Variants in TOP2B observed in about 807,000 individuals in gnomAD.
The protein encoded by TOP2B is DNA topoisomerase II beta.
In TOP2B, 51 loss-of-function variants were observed where a neutral mutation model predicts 193.5. That is an observed-to-expected ratio of 0.26 (90% confidence interval 0.21 to 0.33). The LOEUF (loss-of-function observed/expected upper bound fraction) is 0.33. TOP2B is among the 10% of genes least tolerant of loss of function. The pLI is 1.00. For synonymous variants in TOP2B, 634 were observed against 635.7 expected, an observed-to-expected ratio of 1.00 and a Z score of 0.04; for missense variants, 1,378 against 1,909.3, an observed-to-expected ratio of 0.72 and a Z score of 5.19.
intron 34 of TOP2B, among the ~76,000 whole-genome samples, chr3:25,600,392 C>T (rs1023770994): frequency 4.6e-5 from 7 of 152,184 alleles, no homozygotes; most frequent in Admixed American, 3.3e-4. Flanking sequence ...TTTATAAAGG[C>T]TTTCAATCCT....
At chr3:25,640,218 A>G (rs1703218094) in intron 4 of TOP2B, among the ~76,000 whole-genome samples, 1 of 152,220 alleles carries the variant, frequency 6.6e-6, no homozygotes, top group Admixed American at 6.5e-5. Context: ...CACAAGAGAC[A>G]AAATGTTATA....
intron 21 of TOP2B, among the ~76,000 whole-genome samples, chr3:25,622,578 G>A (rs1702685682): frequency 6.6e-6 from 1 of 151,240 alleles, no homozygotes; most frequent in Non-Finnish European, 1.5e-5. Flanking sequence ...CATTTTTCTT[G>A]GAGGAGGTCT....
Position 25,625,040 on chromosome 3 carries a change from T to G in TOP2B, c.2225-237A>C, listed in dbSNP as rs569801824. On this transcript the variant is annotated intron_variant, in intron 18 of 35. Transcript: ENST00000264331. ...ATGCCATCTCCATCTACTCCAAAAG[T>G]GAACTGCCAATTGAAAGACAACATT... 2.6e-5 allele frequency: 8 copies of G among 311,584 alleles called. No individual in the cohort carries two copies. The South Asian group carries it at 4.5e-4, about 18-fold the overall frequency. The allele number at this position is 311,584 out of a possible 1,614,324, so 19.3% of individuals were successfully genotyped here.
At position 25,642,355 on chromosome 3, in the gene TOP2B, T is replaced by A. The variant is rs372592161; in HGVS notation, c.362A>T (p.Lys121Met). ...AGAAACTTTAATACAAGTCATGTTC[T>A]TATCCCTCTGTTTATTGTCAGCAGC... Reference protein sequence around the residue: ...VNAADNKQRDKNMTCIKVSID... With the variant: ...VNAADNKQRDMNMTCIKVSID... Residue 121 changes from lysine (K) to methionine (M), a missense_variant, in exon 4 of 36, where the codon AAG becomes ATG. Coordinates refer to ENST00000264331, the MANE Select transcript of TOP2B (RefSeq NM_001330700.2). The A allele has an allele frequency of 4.2e-5, 65 of 1,549,214 alleles. No individual in the cohort carries two copies. The highest frequency in any genetic ancestry group is 5.5e-5 in the Non-Finnish European group (63 of 1,144,760).
In TOP2B at chr3:25,623,649, T is replaced by C. The variant is rs775618314; in HGVS notation, c.2593A>G (p.Ile865Val). 24 of 1,613,694 alleles carry C rather than the reference T, an allele frequency of 1.5e-5. No homozygotes were observed. The highest frequency in any genetic ancestry group is 1.2e-4 in the African/African-American group (9 of 74,900). ...CCATTTATTAAAACCATGGGAATTA[T>C]AGGAATATACCACTCAGGCTCTACA... is the stretch of plus-strand genomic sequence containing the variant. Reference protein sequence around the residue: ...QRVEPEWYIPIIPMVLINGAE... With the variant: ...QRVEPEWYIPVIPMVLINGAE... The change falls in exon 21 of 36, where the codon ATA (isoleucine) becomes GTA (valine). Residue 865 changes from isoleucine to valine, a missense_variant. Around this residue, in one of 9 missense-constraint regions of TOP2B, gnomAD observed 379 missense variants for 615.1 expected, o/e 0.62. Transcript: ENST00000264331.
At chr3:25,624,531 A>G in intron 19 of TOP2B, 86 bp from the exon 20 acceptor site, 2 of 1,547,620 alleles carry the variant, frequency 1.3e-6, no homozygotes, top group South Asian at 1.3e-5. Flanking sequence ...ATCCAAGTGA[A>G]GAATAAAGGC....
chr3:25,644,115 T>TA (rs1703345130), intron 2 of TOP2B, among the ~76,000 whole-genome samples: 1 of 151,278 alleles, frequency 6.6e-6, no homozygotes, highest in Non-Finnish European at 1.5e-5. Flanking sequence ...TTTTTTTTTT[T>TA]ATAATACAGG....
At chr3:25,610,430 G>A (rs544139470) in intron 28 of TOP2B, among the ~76,000 whole-genome samples, 85 of 152,308 alleles carry the variant, frequency 5.6e-4, no homozygotes, top group African/African-American at 2.0e-3. Flanking sequence ...AGTCTCCATG[G>A]AGAAGTACCT....
At chr3:25,657,905 C>T (rs1275883460) in intron 1 of TOP2B, among the ~76,000 whole-genome samples, 1 of 146,478 alleles carries the variant, frequency 6.8e-6, no homozygotes, top group Non-Finnish European at 1.5e-5. Context: ...ACTAAAAATA[C>T]AAAAAATTAG....
intron 1 of TOP2B, among the ~76,000 whole-genome samples, chr3:25,649,274 T>C (rs1404764447): frequency 6.6e-6 from 1 of 152,042 alleles, no homozygotes; most frequent in East Asian, 1.9e-4. Flanking sequence ...GAACAACATA[T>C]ACATTATGTA....
At chr3:25,609,372 T>C in intron 29 of TOP2B, 28 bp from the exon 30 acceptor site, 2 of 1,540,866 alleles carry the variant, frequency 1.3e-6, no homozygotes. Context: ...CAATAAGGTA[T>C]GTATCCATAT....
intron 11 of TOP2B, 72 bp from the exon 12 acceptor site, chr3:25,630,541 A>G: frequency 8.0e-7 from 1 of 1,246,024 alleles, no homozygotes; most frequent in South Asian, 1.6e-5. Context: ...TGAAGTCAGA[A>G]AATTAACATT....
At chr3:25,638,519 C>A (rs948321466) in intron 4 of TOP2B, among the ~76,000 whole-genome samples, 1 of 151,240 alleles carries the variant, frequency 6.6e-6, no homozygotes, top group Non-Finnish European at 1.5e-5. Flanking sequence ...TGAGTCGTAA[C>A]TAATAGAGAA....
At chr3:25,624,253 C>G in intron 20 of TOP2B, 44 bp downstream of exon 20, 1 of 1,603,566 alleles carries the variant, frequency 6.2e-7, no homozygotes, top group Non-Finnish European at 8.5e-7. Context: ...TAGTTGGTTC[C>G]AAATCAAATC....
chr3:25,629,223 G>A lies in TOP2B; in HGVS notation c.1690-78C>T, dbSNP rs1023845001. The A allele has an allele frequency of 4.9e-5, 54 of 1,100,326 alleles. 1 individual carries two copies. Among genetic ancestry groups the A allele is most frequent in the East Asian group, 4.8e-4 (17 of 35,316 alleles). The allele number at this position is 1,100,326 out of a possible 1,614,324, so 68.2% of individuals were successfully genotyped here. ...TACTTATATAAACAAATTTTAAAAC[G>A]TGAATGCAAAAAACCAAAATTCTGA... On this transcript the variant is annotated intron_variant, in intron 13 of 35. Coordinates refer to ENST00000264331, the MANE Select transcript of TOP2B (RefSeq NM_001330700.2).
At chr3:25,602,152 T>C (rs1702110963) in intron 33 of TOP2B, among the ~76,000 whole-genome samples, 1 of 152,042 alleles carries the variant, frequency 6.6e-6, no homozygotes, top group Admixed American at 6.6e-5. Context: ...TCCCAGAACT[T>C]TGGGAGGCCA....
At chr3:25,654,570 A>G (rs1011369277) in intron 1 of TOP2B, among the ~76,000 whole-genome samples, 3 of 152,184 alleles carry the variant, frequency 2.0e-5, no homozygotes, top group African/African-American at 7.2e-5. Flanking sequence ...TTTTGCAGAA[A>G]TACAAAAAAA....
At chr3:25,643,894 A>C in intron 2 of TOP2B, 110 bp from the exon 3 acceptor site, 1 of 697,724 alleles carries the variant, frequency 1.4e-6, no homozygotes, top group South Asian at 2.2e-5. Context: ...TAGATCTGCA[A>C]AGTAGAAAAA....
chr3:25,631,816 A>C (rs1017877272), intron 10 of TOP2B, among the ~76,000 whole-genome samples: 1 of 152,114 alleles, frequency 6.6e-6, no homozygotes, highest in Non-Finnish European at 1.5e-5. Context: ...GCCTTAAGTT[A>C]GAACCTAAAA....
Sources: allele counts gnomAD v4.1 joint callset (sites outside exome capture counted in the v4.1 genomes callset), GRCh38; gene constraint gnomAD v4.1.1; regional missense constraint gnomAD v4.1.1; transcripts MANE v1.5; gene names NCBI Gene and HGNC (gene_info 2026-07-23, HGNC 2026-07-21).